VPS13B: variants seen among roughly 807,000 people sequenced by gnomAD.
VPS13B encodes the protein intermembrane lipid transfer protein VPS13B.
In VPS13B, 285 loss-of-function variants were observed where a neutral mutation model predicts 426.4. The ratio of observed to expected loss-of-function variants is 0.67; its 90% CI spans 0.61 to 0.74. VPS13B has a LOEUF of 0.74. VPS13B is among the 30% of genes least tolerant of loss of function. The pLI, the probability that VPS13B is intolerant of heterozygous loss-of-function variation, is 0.00. For synonymous variants in VPS13B, 1,676 were observed against 1,676.4 expected, an observed-to-expected ratio of 1.00 and a Z score of 0.01; for missense variants, 4,537 against 4,782.6, an observed-to-expected ratio of 0.95 and a Z score of 1.51.
intron 31 of VPS13B, among the ~76,000 whole-genome samples, chr8:99,561,771 C>A (rs752217471): frequency 6.6e-6 from 1 of 152,122 alleles, no homozygotes; most frequent in Non-Finnish European, 1.5e-5. Context: ...AGGATGGAAC[C>A]CCATTATGAG....
At chr8:99,433,254 C>T (rs898961944) in intron 22 of VPS13B, among the ~76,000 whole-genome samples, 1 of 152,186 alleles carries the variant, frequency 6.6e-6, no homozygotes, top group Non-Finnish European at 1.5e-5. Context: ...GGAAATGATT[C>T]TGTGGCATTC....
At chr8:99,453,342 A>G (rs1292468666) in intron 23 of VPS13B, among the ~76,000 whole-genome samples, 1 of 152,184 alleles carries the variant, frequency 6.6e-6, no homozygotes, top group East Asian at 1.9e-4. Flanking sequence ...GTGTATGCAA[A>G]TAGGATTCCT....
chr8:99,418,931 A>C (rs1405299509), intron 21 of VPS13B, among the ~76,000 whole-genome samples: 1 of 152,040 alleles, frequency 6.6e-6, no homozygotes, highest in Admixed American at 6.6e-5. Flanking sequence ...TAAATAAATA[A>C]CTCTGTCATC....
intron 25 of VPS13B, among the ~76,000 whole-genome samples, chr8:99,501,084 T>G (rs931012588): frequency 2.6e-5 from 4 of 152,230 alleles, no homozygotes; most frequent in Non-Finnish European, 5.9e-5. Flanking sequence ...TCTACTAATT[T>G]TTAATGTCTC....
At position 99,053,698 on chromosome 8, in the gene VPS13B, A is replaced by G. The variant is rs542716914; in HGVS notation, c.291+15132A>G. On this transcript the variant is annotated intron_variant, in intron 3 of 61. Transcript: ENST00000357162. Reference sequence around the variant, plus strand: ...TCCTTTTTTTTTTTTTTTCTTGCTTACAACTCTTTTTTTTTTGGTTTTGAT... The same window carrying G: ...TCCTTTTTTTTTTTTTTTCTTGCTTGCAACTCTTTTTTTTTTGGTTTTGAT... 6.6e-4 allele frequency among the ~76,000 whole-genome samples: 75 copies of G among 112,786 alleles called. 3 individuals carry two copies. The South Asian group carries it at 0.016, about 25-fold the overall frequency. 74.0% of individuals were successfully genotyped at this position (112,786 alleles called of 152,430 possible).
At chr8:99,091,315 T>C (rs2132414623) in intron 3 of VPS13B, among the ~76,000 whole-genome samples, 1 of 152,272 alleles carries the variant, frequency 6.6e-6, no homozygotes, top group South Asian at 2.1e-4. Flanking sequence ...TGTGGCCCAA[T>C]GAATGTTCAG....
intron 19 of VPS13B, among the ~76,000 whole-genome samples, chr8:99,327,582 A>T (rs1810341607): frequency 6.6e-6 from 1 of 151,966 alleles, no homozygotes; most frequent in South Asian, 2.1e-4. Flanking sequence ...TACAGGCAAG[A>T]GACTAGAGAT....
intron 17 of VPS13B, among the ~76,000 whole-genome samples, chr8:99,238,736 C>T (rs1023341176): frequency 3.9e-5 from 6 of 151,996 alleles, no homozygotes; most frequent in Admixed American, 1.3e-4. Flanking sequence ...AATAGCATTA[C>T]GTGCAAAACA....
chr8:99,544,184 A>G (rs1823812946), intron 30 of VPS13B, among the ~76,000 whole-genome samples: 1 of 152,140 alleles, frequency 6.6e-6, no homozygotes. Context: ...GAAGCTGGAA[A>G]CCATCATTCT....
intron 58 of VPS13B, among the ~76,000 whole-genome samples, chr8:99,862,158 T>G (rs1588798258): frequency 6.6e-6 from 1 of 152,348 alleles, no homozygotes; most frequent in East Asian, 1.9e-4. Context: ...GTGCATGAAA[T>G]GTATCTTGGG....
intron 21 of VPS13B, among the ~76,000 whole-genome samples, chr8:99,392,385 T>G (rs1037188116): frequency 1.3e-5 from 2 of 152,084 alleles, no homozygotes; most frequent in Non-Finnish European, 2.9e-5. Flanking sequence ...GATTTTATTT[T>G]GTGATTTGTT....
chr8:99,142,242 G>C (rs1406585756), intron 12 of VPS13B, among the ~76,000 whole-genome samples: 1 of 151,940 alleles, frequency 6.6e-6, no homozygotes, highest in Admixed American at 6.6e-5. Flanking sequence ...ATTAAATCCT[G>C]GAAAATTCTT....
intron 17 of VPS13B, among the ~76,000 whole-genome samples, chr8:99,218,075 A>G (rs1273513947): frequency 6.6e-6 from 1 of 152,166 alleles, no homozygotes. Flanking sequence ...TTTTTAGGGG[A>G]AAGTTGGATT....
chr8:99,763,884 C>A (rs1010696429), intron 39 of VPS13B, among the ~76,000 whole-genome samples: 1 of 152,330 alleles, frequency 6.6e-6, no homozygotes, highest in South Asian at 2.1e-4. Flanking sequence ...ATTCTCCCCT[C>A]GTCCTTACAG....
rs528315926 is a variant in VPS13B at position 99,717,516 on chromosome 8, T to G, written c.6657+143T>G. ...GCTACTTGTTAAATTTTCAACAACT[T>G]TATTGAGATATAAGTCATATACCAG... On this transcript the variant is annotated intron_variant, in intron 37 of 61. Coordinates refer to ENST00000357162, the MANE Select transcript of VPS13B (RefSeq NM_152564.5). 7.7e-6 allele frequency: 6 copies of G among 779,530 alleles called. No individual in the cohort carries two copies. In the Admixed American group the frequency reaches 8.6e-5, roughly 11 times the overall value. 48.3% of individuals were successfully genotyped at this position (779,530 alleles called of 1,614,324 possible). A position where few individuals can be genotyped will look rare whatever the true frequency, so the allele number is the denominator to read the frequency against.
At chr8:99,392,064 A>G (rs7834885) in intron 21 of VPS13B, among the ~76,000 whole-genome samples, 8 of 152,344 alleles carry the variant, frequency 5.3e-5, no homozygotes, top group African/African-American at 1.7e-4. Flanking sequence ...TCGTATTTCT[A>G]TCTTCTGAGA....
At chr8:99,211,325 C>T (rs975748069) in intron 17 of VPS13B, among the ~76,000 whole-genome samples, 5 of 152,038 alleles carry the variant, frequency 3.3e-5, no homozygotes, top group Non-Finnish European at 7.4e-5. Context: ...GAATTCTTGC[C>T]GACTTCTTGC....
chr8:99,137,998 C>T (rs1462348345), intron 12 of VPS13B, among the ~76,000 whole-genome samples: 1 of 152,110 alleles, frequency 6.6e-6, no homozygotes, highest in African/African-American at 2.4e-5. Flanking sequence ...GTTGCTCAAG[C>T]CAGAAGCCTG....
In VPS13B at chr8:99,853,613, A is replaced by T. The variant is rs1424195641; in HGVS notation, c.10224A>T (p.Glu3408Asp). 1.9e-6 allele frequency: 3 copies of T among 1,614,048 alleles called. No homozygotes were observed. Among genetic ancestry groups the T allele is most frequent in the Non-Finnish European group, 1.7e-6 (2 of 1,180,026 alleles). The change falls in exon 56 of 62, where the codon GAA becomes GAT. Residue 3408 changes from glutamate (E) to aspartate (D), a missense_variant. This residue lies in a region of VPS13B where 4,311 missense variants were observed against 4,474.3 expected (regional missense o/e 0.96). Coordinates refer to ENST00000357162, the MANE Select transcript of VPS13B (RefSeq NM_152564.5). ...VAPGAGPLPG[E>D]EPVAALFELY... ...CGGGAGCTGGTCCCCTCCCTGGGGA[A>T]GAGCCTGTGGCTGCGTTGTTTGAAC...
Sources: gnomAD v4.1 joint callset for allele counts (sites outside exome capture counted in the v4.1 genomes callset) on GRCh38, gnomAD v4.1.1 for gene constraint, gnomAD v4.1.1 regional missense constraint, MANE v1.5 for transcripts, NCBI Gene and HGNC (gene_info 2026-07-23, HGNC 2026-07-21) for gene names.